Variants in TENM3 observed in about 807,000 individuals in gnomAD.
TENM3 encodes the protein teneurin transmembrane protein 3.
TENM3 carries 63 observed loss-of-function variants against 255.1 expected under a neutral mutation model. The observed-to-expected ratio is 0.25, with a 90% CI of 0.20 to 0.30. TENM3 has a LOEUF of 0.30. Ranked by LOEUF, TENM3 falls within the 10% of genes least tolerant of loss-of-function variation. TENM3 has a pLI of 1.00. For synonymous variants in TENM3, 1,306 were observed against 1,322.3 expected (o/e 0.99, Z 0.27); for missense variants, 2,929 against 3,461.1 (o/e 0.85, Z 3.86).
the TENM3 span, among the ~76,000 whole-genome samples, chr4:182,007,315 C>G: frequency 6.6e-6 from 1 of 151,980 alleles, no homozygotes. Flanking sequence ...CTAATACTGA[C>G]AGTGGGGTGT....
At chr4:182,116,917 A>G in the TENM3 span, among the ~76,000 whole-genome samples, 5 of 152,350 alleles carry the variant, frequency 3.3e-5, no homozygotes, top group South Asian at 2.1e-4. Flanking sequence ...GCAGCAATAA[A>G]TGAAAGTTCC....
At chr4:182,033,891 A>C in the TENM3 span, among the ~76,000 whole-genome samples, 1 of 152,140 alleles carries the variant, frequency 6.6e-6, no homozygotes, top group African/African-American at 2.4e-5. Context: ...TTGCTTGGTA[A>C]ATTTTCCTCT....
chr4:182,092,832 AAATCCTC>A, the TENM3 span, among the ~76,000 whole-genome samples: 1 of 152,182 alleles, frequency 6.6e-6, no homozygotes, highest in East Asian at 1.9e-4. Context: ...GTTAAGGTAG[AAATCCTC>A]TTATCTACAT....
the TENM3 span, among the ~76,000 whole-genome samples, chr4:181,933,839 T>TTAAA: frequency 6.6e-6 from 1 of 152,164 alleles, no homozygotes; most frequent in African/African-American, 2.4e-5. Context: ...AATTGAATAG[T>TTAAA]TAGTTGCATT....
the TENM3 span, among the ~76,000 whole-genome samples, chr4:181,733,428 T>C: frequency 6.6e-6 from 1 of 152,202 alleles, no homozygotes; most frequent in Non-Finnish European, 1.5e-5. Context: ...TTTTCTGTGA[T>C]CAGTTTTATA....
chr4:181,666,134 G>A, the TENM3 span, among the ~76,000 whole-genome samples: 7 of 151,960 alleles, frequency 4.6e-5, no homozygotes, highest in Non-Finnish European at 2.9e-5. Context: ...TCCTTCACAT[G>A]AGAAAATACA....
chr4:182,771,776 G>A (rs571523828), intron 22 of TENM3, among the ~76,000 whole-genome samples: 2 of 152,306 alleles, frequency 1.3e-5, no homozygotes, highest in African/African-American at 4.8e-5. Flanking sequence ...AACTCTGTTG[G>A]ATTTCTTTCA....
At chr4:181,921,785 G>A in the TENM3 span, among the ~76,000 whole-genome samples, 6 of 152,088 alleles carry the variant, frequency 3.9e-5, no homozygotes, top group Admixed American at 3.9e-4. Context: ...AATAGGAGTG[G>A]TGAGAGAGGG....
chr4:182,542,655 C>T (rs1023468106), intron 3 of TENM3, among the ~76,000 whole-genome samples: 2 of 152,114 alleles, frequency 1.3e-5, no homozygotes, highest in African/African-American at 4.8e-5. Flanking sequence ...TTTATCTTCA[C>T]CCCAGCGTTC....
chr4:181,493,858 A>G, the TENM3 span, among the ~76,000 whole-genome samples: 1 of 152,188 alleles, frequency 6.6e-6, no homozygotes, highest in Admixed American at 6.5e-5. Context: ...GTGCCTATTC[A>G]AGATCTTTCT....
chr4:181,525,396 C>CAAAAAAAAAAAAAAAAAA, the TENM3 span, among the ~76,000 whole-genome samples: 161 of 97,280 alleles, frequency 1.7e-3, 1 homozygote, highest in African/African-American at 5.8e-3. Flanking sequence ...GACCCTGTTT[C>CAAAAAAAAAAAAAAAAAA]AAAAAAAAAA....
chr4:181,759,716 A>G, the TENM3 span, among the ~76,000 whole-genome samples: 13 of 135,370 alleles, frequency 9.6e-5, no homozygotes, highest in African/African-American at 3.6e-4. Context: ...AAATAATGCA[A>G]TCAACAGATG....
intron 1 of TENM3, among the ~76,000 whole-genome samples, chr4:182,305,219 A>G (rs1046377038): frequency 6.6e-6 from 1 of 152,190 alleles, no homozygotes; most frequent in Non-Finnish European, 1.5e-5. Context: ...ATCTAAAAAA[A>G]AAACCACAAA....
At chr4:181,547,861 G>A in the TENM3 span, among the ~76,000 whole-genome samples, 1 of 151,528 alleles carries the variant, frequency 6.6e-6, no homozygotes, top group Non-Finnish European at 1.5e-5. Flanking sequence ...CAATGTGCAG[G>A]TTTGTTACAT....
At chr4:182,059,618 A>G in the TENM3 span, among the ~76,000 whole-genome samples, 16 of 152,156 alleles carry the variant, frequency 1.1e-4, no homozygotes, top group African/African-American at 3.9e-4. Context: ...CCTTAAGAAT[A>G]GTCTGTGGAA....
At chr4:181,926,371 C>T in the TENM3 span, among the ~76,000 whole-genome samples, 2 of 152,052 alleles carry the variant, frequency 1.3e-5, no homozygotes, top group African/African-American at 4.8e-5. Flanking sequence ...TCTGTTGAGG[C>T]AAGAAACCCA....
intron 2 of TENM3, among the ~76,000 whole-genome samples, chr4:182,341,256 T>C (rs1367540360): frequency 6.6e-6 from 1 of 152,162 alleles, no homozygotes; most frequent in East Asian, 1.9e-4. Context: ...TTTTAAATTA[T>C]TGAAATAATT....
At chr4:182,644,587 T>C (rs1413476216) in intron 5 of TENM3, among the ~76,000 whole-genome samples, 1 of 152,168 alleles carries the variant, frequency 6.6e-6, no homozygotes, top group East Asian at 1.9e-4. Flanking sequence ...CTGTAATTTC[T>C]CTCACTTTAA....
chr4:182,026,028 G>A, the TENM3 span, among the ~76,000 whole-genome samples: 46 of 152,002 alleles, frequency 3.0e-4, no homozygotes, highest in Admixed American at 8.5e-4. Context: ...CCCTGTGTCC[G>A]TGTGTTCTCA....
Sources: allele counts gnomAD v4.1 joint callset (sites outside exome capture counted in the v4.1 genomes callset), GRCh38; gene constraint gnomAD v4.1.1; transcripts MANE v1.5; gene names NCBI Gene and HGNC (gene_info 2026-07-23, HGNC 2026-07-21).